Variants in GNB2 observed in about 807,000 individuals in gnomAD.
The protein encoded by GNB2 is G protein subunit beta 2.
A neutral mutation model predicts 40.7 loss-of-function variants in GNB2; 7 were observed. The ratio of observed to expected loss-of-function variants is 0.17; its 90% CI spans 0.10 to 0.32. The LOEUF is 0.32. GNB2 is among the 10% of genes least tolerant of loss of function. GNB2 has a pLI of 1.00. For synonymous variants in GNB2, 254 were observed against 191.2 expected (o/e 1.33, Z -2.71); for missense variants, 286 against 473.0 (o/e 0.60, Z 3.67).
Position 100,678,155 on chromosome 7 carries a change from G to C in GNB2, c.555G>C (p.Gly185=). ...QQTVGFAGHS[G]DVMSLSLAPD... Reference sequence around the variant, plus strand: ...CAGTGGGTTTTGCTGGACACAGTGGGGATGTGATGTCCCTGTCCCTGGCCC... The same window carrying C: ...CAGTGGGTTTTGCTGGACACAGTGGCGATGTGATGTCCCTGTCCCTGGCCC... Residue 185 remains glycine, a synonymous_variant, in exon 8 of 10, where the codon GGG becomes GGC. Coordinates refer to ENST00000303210, the MANE Select transcript of GNB2 (RefSeq NM_005273.4). 1.9e-6 allele frequency: 3 copies of C among 1,614,006 alleles called. 1 individual carries two copies. The South Asian group carries it at 3.3e-5, about 18-fold the overall frequency.
chr7:100,673,826 G>A lies in GNB2; in HGVS notation c.-187G>A. On this transcript the variant is annotated 5_prime_UTR_variant, in exon 1 of 10. Transcript: ENST00000303210. ...GAGGAAATCCATCCGCGCCGCCGCCGCCGCCGCCGCCGCCGCCGCCGCCGC... is the reference window on the plus strand; with the variant it reads ...GAGGAAATCCATCCGCGCCGCCGCCACCGCCGCCGCCGCCGCCGCCGCCGC... The A allele has an allele frequency of 5.4e-6, 1 of 185,998 alleles. No individual in the cohort carries two copies. The highest frequency in any genetic ancestry group is 1.0e-5 in the Non-Finnish European group (1 of 95,662). The allele number at this position is 185,998 out of a possible 1,614,324, so 11.5% of individuals were successfully genotyped here.
chr7:100,676,219 CCCGCGGCCCCCAGCCGCCCCCAA>C lies in GNB2; in HGVS notation c.-44_-22del. ...AGGAGCTGCCTCCCCCAGCCCCCGT[CCCGCGGCCCCCAGCCGCCCCCAA>C]CCCTGCCCCACGGGCCCGGCGCCAT... On this transcript the variant is annotated 5_prime_UTR_variant, in exon 2 of 10. Transcript: ENST00000303210. 2 of 1,250,906 alleles carry C rather than the reference CCCGCGGCCCCCAGCCGCCCCCAA, an allele frequency of 1.6e-6. No homozygotes were observed. Among genetic ancestry groups the C allele is most frequent in the Non-Finnish European group, 2.3e-6 (2 of 881,552 alleles). The allele number at this position is 1,250,906 out of a possible 1,614,324, so 77.5% of individuals were successfully genotyped here. A position where few individuals can be genotyped will look rare whatever the true frequency, so the allele number is the denominator to read the frequency against.
rs555170071 is a variant in GNB2 at position 100,676,810 on chromosome 7, G to A, written c.203+11G>A. 2 of 1,510,528 alleles carry A rather than the reference G, an allele frequency of 1.3e-6. No individual in the cohort carries two copies. Among genetic ancestry groups the A allele is most frequent in the Admixed American group, 2.1e-5 (1 of 48,426 alleles). 93.6% of individuals were successfully genotyped at this position (1,510,528 alleles called of 1,614,324 possible). ...GGGGACCGACTCAAGGTGTGTGTGT[G>A]TGCGCGGGCTGGCGCTGTGGGCCGA... On this transcript the variant is annotated intron_variant, in intron 4 of 9. Coordinates refer to ENST00000303210, the MANE Select transcript of GNB2 (RefSeq NM_005273.4).
chr7:100,678,832 A>AG lies in GNB2; in HGVS notation c.*35dup. ...CCACCCCCACTGGGCCCAGGCCAGG[A>AG]GGGGCCCTGCCCATGCCCACACTAC... On this transcript the variant is annotated 3_prime_UTR_variant, in exon 10 of 10. Transcript: ENST00000303210. The AG allele has an allele frequency of 6.6e-7, 1 of 1,515,456 alleles. No homozygotes were observed. The highest frequency in any genetic ancestry group is 9.2e-7 in the Non-Finnish European group (1 of 1,091,380). 93.9% of individuals were successfully genotyped at this position (1,515,456 alleles called of 1,614,324 possible).
At chr7:100,675,658 G>C (rs1283713498) in intron 1 of GNB2, 1 of 152,482 alleles carries the variant, frequency 6.6e-6, no homozygotes, top group Non-Finnish European at 1.5e-5. Flanking sequence ...CTCTCGGTCC[G>C]GGTGACGGTT....
chr7:100,676,887 A>T (rs1804361908), intron 4 of GNB2, 88 bp downstream of exon 4: 2 of 735,462 alleles, frequency 2.7e-6, no homozygotes, highest in Admixed American at 5.5e-5. Context: ...TAAGCAGGCC[A>T]CCAAAATACC....
chr7:100,676,059 C>CG lies in GNB2; in HGVS notation c.-89-116dup, dbSNP rs1237145434. The CG allele has an allele frequency of 1.0e-5, 5 of 500,708 alleles. No homozygotes were observed. The East Asian group carries it at 1.4e-4, about 14-fold the overall frequency. The allele number at this position is 500,708 out of a possible 1,614,324, so 31.0% of individuals were successfully genotyped here. A position where few individuals can be genotyped will look rare whatever the true frequency, so the allele number is the denominator to read the frequency against. ...AGACCCTGGTTGTGCCCGGGGACGG[C>CG]GGCCGCGCCGCCCCTTCCCCCTCCC... On this transcript the variant is annotated intron_variant, in intron 1 of 9. Coordinates refer to ENST00000303210, the MANE Select transcript of GNB2 (RefSeq NM_005273.4).
rs2131347855 is a variant in GNB2 at position 100,673,803 on chromosome 7, G to GGAAATCCATCC, written c.-208_-198dup. 5.5e-6 allele frequency: 1 copy of GGAAATCCATCC among 181,458 alleles called. No individual in the cohort carries two copies. The highest frequency in any genetic ancestry group is 1.6e-4 in the South Asian group (1 of 6,400). 11.2% of individuals were successfully genotyped at this position (181,458 alleles called of 1,614,324 possible). A position where few individuals can be genotyped will look rare whatever the true frequency, so the allele number is the denominator to read the frequency against. The stretch of plus-strand genomic sequence containing the variant: ...CTGGCGGCGGGGCTGGGGCCACTGA[G>GGAAATCCATCC]GAAATCCATCCGCGCCGCCGCCGCC... On this transcript the variant is annotated 5_prime_UTR_variant, in exon 1 of 10. Coordinates refer to ENST00000303210, the MANE Select transcript of GNB2 (RefSeq NM_005273.4).
chr7:100,678,020 C>T (rs1386025705), intron 7 of GNB2, 78 bp from the exon 8 acceptor site: 15 of 1,270,926 alleles, frequency 1.2e-5, no homozygotes, highest in East Asian at 1.2e-4. Flanking sequence ...GTTGGGCTCA[C>T]GTGGTGGGGC....
At chr7:100,677,202 A>G in intron 4 of GNB2, 150 bp from the exon 5 acceptor site, 1 of 644,534 alleles carries the variant, frequency 1.6e-6, no homozygotes, top group Non-Finnish European at 2.8e-6. Flanking sequence ...ACTTGAGCCT[A>G]GGAGTTCCAG....
chr7:100,678,595 C>G lies in GNB2; in HGVS notation c.897C>G (p.Ala299=). ...ACTTCAACTGCAACATCTGGGATGCCATGAAGGGCGACCGTGCAGGTGACA... is the reference window on the plus strand; with the variant it reads ...ACTTCAACTGCAACATCTGGGATGCGATGAAGGGCGACCGTGCAGGTGACA... ...YDDFNCNIWD[A]MKGDRAGVLA... Residue 299 remains alanine, a synonymous_variant, in exon 9 of 10, where the codon GCC becomes GCG. Coordinates refer to ENST00000303210, the MANE Select transcript of GNB2 (RefSeq NM_005273.4). 6.2e-7 allele frequency: 1 copy of G among 1,613,698 alleles called. No homozygotes were observed. Among genetic ancestry groups the G allele is most frequent in the South Asian group, 1.1e-5 (1 of 91,088 alleles).
chr7:100,674,275 C>T (rs1804304530), intron 1 of GNB2, among the ~76,000 whole-genome samples: 1 of 147,896 alleles, frequency 6.8e-6, no homozygotes, highest in Non-Finnish European at 1.5e-5. Flanking sequence ...CTCCCGCCTG[C>T]CCCCGGGGAG....
chr7:100,676,671 C>A, intron 3 of GNB2, 22 bp from the exon 4 acceptor site: 1 of 1,577,876 alleles, frequency 6.3e-7, no homozygotes, highest in Non-Finnish European at 8.7e-7. Context: ...CCTCCCCGAG[C>A]GCATTCTGTC....
At chr7:100,677,913 G>A in intron 7 of GNB2, 95 bp downstream of exon 7, 2 of 1,182,376 alleles carry the variant, frequency 1.7e-6, no homozygotes, top group Non-Finnish European at 2.5e-6. Context: ...ATGCACCGTA[G>A]CCTCCCTCTC....
chr7:100,675,612 A>G (rs1401436248), intron 1 of GNB2: 1 of 151,846 alleles, frequency 6.6e-6, no homozygotes, highest in African/African-American at 2.4e-5. Context: ...TGCCTTGGCA[A>G]CGGGGCTAGG....
chr7:100,676,767 G>A lies in GNB2; in HGVS notation c.171G>A (p.Lys57=). The change falls in exon 4 of 10, where the codon AAG becomes AAA. Residue 57 remains lysine (K), a synonymous_variant. Coordinates refer to ENST00000303210, the MANE Select transcript of GNB2 (RefSeq NM_005273.4). The stretch of plus-strand genomic sequence containing the variant: ...GGACCCTCCGTGGGCACCTGGCAAA[G>A]ATCTATGCCATGCACTGGGGGACCG... The part of the protein sequence containing the change: ...TRRTLRGHLA[K]IYAMHWGTDS... 6.3e-7 allele frequency: 1 copy of A among 1,598,558 alleles called. No homozygotes were observed. Among genetic ancestry groups the A allele is most frequent in the South Asian group, 1.1e-5 (1 of 89,526 alleles).
rs752432702 is a variant in GNB2 at position 100,678,994 on chromosome 7, AGAG to A, written c.*200_*202del. On this transcript the variant is annotated 3_prime_UTR_variant, in exon 10 of 10. Coordinates refer to ENST00000303210, the MANE Select transcript of GNB2 (RefSeq NM_005273.4). ...GATAAGAAGGGGATGGAATGGGGGA[AGAG>A]GAGGAGCAGGAGGCCCTCATCCTTC... 5.2e-5 allele frequency: 30 copies of A among 579,244 alleles called. No homozygotes were observed. The highest frequency in any genetic ancestry group is 8.0e-5 in the Non-Finnish European group (26 of 323,380). 35.9% of individuals were successfully genotyped at this position (579,244 alleles called of 1,614,324 possible).
Position 100,678,846 on chromosome 7 carries a change from T to TGCCCAC in GNB2, c.*46_*51dup. ...CCCAGGCCAGGAGGGGCCCTGCCCA[T>TGCCCAC]GCCCACACTACAGGCCAGGGCTGCG... is the stretch of plus-strand genomic sequence containing the variant. On this transcript the variant is annotated 3_prime_UTR_variant, in exon 10 of 10. Transcript: ENST00000303210. The TGCCCAC allele has an allele frequency of 7.0e-7, 1 of 1,423,484 alleles. No homozygotes were observed. Among genetic ancestry groups the TGCCCAC allele is most frequent in the South Asian group, 1.1e-5 (1 of 87,152 alleles). 88.2% of individuals were successfully genotyped at this position (1,423,484 alleles called of 1,614,324 possible). A position where few individuals can be genotyped will look rare whatever the true frequency, so the allele number is the denominator to read the frequency against.
In GNB2 at chr7:100,678,427, C is replaced by G; in HGVS notation, c.729C>G (p.Thr243=). ...TCCCCAACGGCTACGCCTTCACCAC[C>G]GGCTCTGACGACGCCACGTGCCGCC... ...AFFPNGYAFT[T]GSDDATCRLF... is the part of the protein sequence containing the mutation. Residue 243 remains threonine (T), a synonymous_variant, in exon 9 of 10, where the codon ACC becomes ACG. Coordinates refer to ENST00000303210, the MANE Select transcript of GNB2 (RefSeq NM_005273.4). 1 of 1,613,564 alleles carries G rather than the reference C, an allele frequency of 6.2e-7. No individual in the cohort carries two copies. The highest frequency in any genetic ancestry group is 8.5e-7 in the Non-Finnish European group (1 of 1,179,926).
Sources: allele counts gnomAD v4.1 joint callset (sites outside exome capture counted in the v4.1 genomes callset), GRCh38; gene constraint gnomAD v4.1.1; transcripts MANE v1.5; gene names NCBI Gene and HGNC (gene_info 2026-07-23, HGNC 2026-07-21).